Variants in WDFY4 observed in about 807,000 individuals in gnomAD.
The protein encoded by WDFY4 is WD repeat- and FYVE domain-containing protein 4.
WDFY4 carries 169 observed loss-of-function variants against 351.9 expected under a neutral mutation model. The ratio of observed to expected loss-of-function variants is 0.48; its 90% CI spans 0.42 to 0.55. The LOEUF (loss-of-function observed/expected upper bound fraction) is 0.55, where lower values mean the gene tolerates loss of function less well. WDFY4 is among the 20% of genes least tolerant of loss of function. The pLI is 0.00. For synonymous variants in WDFY4, 1,622 were observed against 1,574.6 expected, an observed-to-expected ratio of 1.03 and a Z score of -0.71; for missense variants, 3,803 against 3,935.6, an observed-to-expected ratio of 0.97 and a Z score of 0.90.
intron 13 of WDFY4, among the ~76,000 whole-genome samples, chr10:48,769,330 A>T (rs1295269113): frequency 6.6e-6 from 1 of 152,242 alleles, no homozygotes; most frequent in African/African-American, 2.4e-5. Context: ...GTTCATGCTC[A>T]TATAAAGAGA....
At chr10:48,951,627 C>CA (rs199728350) in intron 51 of WDFY4, among the ~76,000 whole-genome samples, 2,275 of 151,824 alleles carry the variant, frequency 0.015, 20 homozygotes, top group Middle Eastern at 0.044. Flanking sequence ...AACAAAGAAA[C>CA]AAAAAAAAGC....
chr10:48,745,923 A>G (rs1034880810), intron 12 of WDFY4: 4 of 237,382 alleles, frequency 1.7e-5, no homozygotes, highest in Non-Finnish European at 2.5e-5. Flanking sequence ...GCCAGGAAAT[A>G]ACAGGGGCCT....
chr10:48,847,263 C>T (rs994912643), intron 39 of WDFY4, among the ~76,000 whole-genome samples: 3 of 152,094 alleles, frequency 2.0e-5, no homozygotes, highest in East Asian at 3.9e-4. Flanking sequence ...ACACCAGTCA[C>T]GTAGGATTAG....
At chr10:48,922,660 T>G (rs2133597503) in intron 47 of WDFY4, among the ~76,000 whole-genome samples, 1 of 152,290 alleles carries the variant, frequency 6.6e-6, no homozygotes, top group East Asian at 1.9e-4. Flanking sequence ...AATGGGGGTC[T>G]TAGAACATAT....
In WDFY4 at chr10:48,775,698, T is replaced by C; in HGVS notation, c.2769-14T>C. 13 of 1,549,678 alleles carry C rather than the reference T, an allele frequency of 8.4e-6. No homozygotes were observed. Among genetic ancestry groups the C allele is most frequent in the Non-Finnish European group, 1.1e-5 (13 of 1,145,210 alleles). ...AAAATGTCTTCATTTTTTCCTCTTG[T>C]ATGTTATGTTCAGACAGTTTCTAGG... On this transcript the variant is annotated splice_polypyrimidine_tract_variant and intron_variant, in intron 14 of 61. Transcript: ENST00000325239.
intron 24 of WDFY4, chr10:48,801,512 T>A (rs1198468699): frequency 2.2e-6 from 1 of 456,792 alleles, no homozygotes; most frequent in Admixed American, 2.3e-5. Context: ...CAGACATGTA[T>A]GTTGGGGTGC....
intron 43 of WDFY4, among the ~76,000 whole-genome samples, chr10:48,882,522 TG>T (rs978780368): frequency 1.3e-5 from 2 of 152,110 alleles, no homozygotes; most frequent in African/African-American, 4.8e-5. Flanking sequence ...ATTCCTGAGA[TG>T]GGGTAATTTA....
intron 21 of WDFY4, among the ~76,000 whole-genome samples, chr10:48,789,059 G>A (rs1370954727): frequency 6.6e-6 from 1 of 151,922 alleles, no homozygotes; most frequent in East Asian, 1.9e-4. Context: ...TTTTTTTACA[G>A]ATGGGATCTC....
chr10:48,953,333 T>TCTCTCTCTCTCTCTCACACA (rs771339557), intron 51 of WDFY4, among the ~76,000 whole-genome samples: 17 of 128,230 alleles, frequency 1.3e-4, no homozygotes, highest in South Asian at 2.8e-4. Context: ...TCTCTCTCTC[T>TCTCTCTCTCTCTCTCACACA]CACACACACA....
intron 14 of WDFY4, 118 bp downstream of exon 14, chr10:48,774,790 C>A: frequency 7.7e-7 from 1 of 1,298,390 alleles, no homozygotes; most frequent in Non-Finnish European, 1.1e-6. Flanking sequence ...ACGGCTCTGT[C>A]CTGGCATTCA....
At chr10:48,909,123 T>A (rs907954474) in intron 47 of WDFY4, among the ~76,000 whole-genome samples, 1 of 152,160 alleles carries the variant, frequency 6.6e-6, no homozygotes, top group South Asian at 2.1e-4. Context: ...TTTCGCTGAG[T>A]AGTATTCCAT....
chr10:48,812,179 C>CTT lies in WDFY4; in HGVS notation c.5214+480_5214+481dup, dbSNP rs1355851618. 5.1e-4 allele frequency among the ~76,000 whole-genome samples: 68 copies of CTT among 134,500 alleles called. 1 individual carries two copies. Among genetic ancestry groups the CTT allele is most frequent in the African/African-American group, 1.4e-3 (44 of 31,752 alleles). 88.2% of individuals were successfully genotyped at this position (134,500 alleles called of 152,430 possible). A position where few individuals can be genotyped will look rare whatever the true frequency, so the allele number is the denominator to read the frequency against. On this transcript the variant is annotated intron_variant, in intron 30 of 61. Coordinates refer to ENST00000325239, the MANE Select transcript of WDFY4 (RefSeq NM_001394531.1). ...TAGTTATCCTTTCTTTCTTTCTTTT[C>CTT]TTTTTTTTTTGTTTTTTTTGTTTTT...
At chr10:48,846,018 C>T (rs866731044) in intron 39 of WDFY4, among the ~76,000 whole-genome samples, 1 of 152,348 alleles carries the variant, frequency 6.6e-6, no homozygotes, top group South Asian at 2.1e-4. Context: ...TCACAGCTGA[C>T]TCTGCCCCAT....
chr10:48,716,624 C>A (rs1589442176), intron 2 of WDFY4, among the ~76,000 whole-genome samples: 1 of 152,196 alleles, frequency 6.6e-6, no homozygotes, highest in Admixed American at 6.5e-5. Context: ...AAGTGCCCAT[C>A]GAGGTCCCAG....
At position 48,731,317 on chromosome 10, in the gene WDFY4, A is replaced by T; in HGVS notation, c.1337A>T (p.Glu446Val). ...IMPLKPAPVQ[E>V]HFFQLLEALV... ...CCCCTGAAGCCGGCCCCAGTGCAGG[A>T]ACACTTCTTCCAGCTTCTAGAGGCC... Residue 446 changes from glutamate (E) to valine (V), a missense_variant, in exon 9 of 62, where the codon GAA becomes GTA. Physicochemically the swap from Glu to Val is moderately radical, Grantham distance 121. This residue lies in a region of WDFY4 where 261 missense variants were observed against 330.2 expected (regional missense o/e 0.79). Transcript: ENST00000325239. The T allele has an allele frequency of 6.4e-7, 1 of 1,551,832 alleles. No homozygotes were observed.
chr10:48,772,974 C>G (rs2132606208), intron 13 of WDFY4, among the ~76,000 whole-genome samples: 1 of 151,696 alleles, frequency 6.6e-6, no homozygotes, highest in East Asian at 1.9e-4. Flanking sequence ...GGTTCCAAGT[C>G]TTTGCTATTG....
At chr10:48,902,165 G>A (rs1589839091) in intron 47 of WDFY4, among the ~76,000 whole-genome samples, 1 of 152,392 alleles carries the variant, frequency 6.6e-6, no homozygotes, top group African/African-American at 2.4e-5. Context: ...GTCAGGCCCA[G>A]CCTTGGAGGT....
At position 48,982,885 on chromosome 10, in the gene WDFY4, A is replaced by AC. The variant is rs1367225507; in HGVS notation, c.*310_*311insC. 4 of 407,792 alleles carry AC rather than the reference A, an allele frequency of 9.8e-6. No homozygotes were observed. The highest frequency in any genetic ancestry group is 1.9e-5 in the Non-Finnish European group (4 of 207,070). The allele number at this position is 407,792 out of a possible 1,614,324, so 25.3% of individuals were successfully genotyped here. On this transcript the variant is annotated 3_prime_UTR_variant, in exon 62 of 62. Transcript: ENST00000325239. The stretch of plus-strand genomic sequence containing the variant: ...ATTAAGGGCTATTGCACTGAAAAAA[A>AC]AAAAGATGGGTCGCTTACTGGAAAT...
At chr10:48,871,438 A>T (rs2069774507) in intron 40 of WDFY4, among the ~76,000 whole-genome samples, 1 of 151,290 alleles carries the variant, frequency 6.6e-6, no homozygotes, top group South Asian at 2.1e-4. Flanking sequence ...TTGGATAGTC[A>T]GTTGGATAGT....
Sources: allele counts gnomAD v4.1 joint callset (sites outside exome capture counted in the v4.1 genomes callset), GRCh38; gene constraint gnomAD v4.1.1; regional missense constraint gnomAD v4.1.1; transcripts MANE v1.5; gene names NCBI Gene and HGNC (gene_info 2026-07-23, HGNC 2026-07-21).